MFSD8: variants seen among roughly 807,000 people sequenced by gnomAD.
MFSD8 encodes major facilitator superfamily domain-containing protein 8.
A neutral mutation model predicts 66.4 loss-of-function variants in MFSD8; 55 were observed. The observed-to-expected ratio is 0.83, with a 90% confidence interval of 0.67 to 1.04. The LOEUF is 1.04. Ranked by LOEUF, MFSD8 falls within the 50% of genes least tolerant of loss-of-function variation. The probability of loss-of-function intolerance (pLI) is 0.00; values close to 1 mark genes in which losing one functional copy is unlikely to be tolerated. For missense variants in MFSD8, 550 were observed against 627.6 expected (o/e 0.88, Z 1.32); for synonymous variants, 202 against 212.8 (o/e 0.95, Z 0.44).
At position 127,938,582 on chromosome 4, in the gene MFSD8, CAA is replaced by C. The variant is rs1174151589; in HGVS notation, c.754+199_754+200del. On this transcript the variant is annotated intron_variant, in intron 7 of 11. Transcript: ENST00000641686. ...TGGGCGACAGAGCGAAACTCTGTCT[CAA>C]AAAAAAAAAAATAAATAAATAAATA... Among the ~76,000 whole-genome samples, 368 of 110,526 alleles carry C rather than the reference CAA, an allele frequency of 3.3e-3. 4 individuals carry two copies. Among genetic ancestry groups the C allele is most frequent in the African/African-American group, 0.013 (360 of 28,554 alleles). The allele number at this position is 110,526 out of a possible 152,430, so 72.5% of individuals were successfully genotyped here. A position where few individuals can be genotyped will look rare whatever the true frequency, so the allele number is the denominator to read the frequency against.
chr4:127,941,969 T>C, intron 5 of MFSD8, 76 bp downstream of exon 5: 5 of 1,152,376 alleles, frequency 4.3e-6, no homozygotes, highest in Admixed American at 1.7e-5. Context: ...TTTTTATACT[T>C]GGGTTACACT....
chr4:127,922,554 G>A lies in MFSD8; in HGVS notation c.999-591C>T, dbSNP rs192741176. On this transcript the variant is annotated intron_variant, in intron 9 of 11. Transcript: ENST00000641686. ...GCAGGAGGATTACTTGAGCCCAGGA[G>A]GTCAAGGCTGCAATGAGCTGTGATG... 9.9e-5 allele frequency among the ~76,000 whole-genome samples: 15 copies of A among 151,982 alleles called. No individual in the cohort carries two copies. The East Asian group carries it at 1.5e-3, about 16-fold the overall frequency.
chr4:127,931,235 T>C (rs1298783130), intron 8 of MFSD8, among the ~76,000 whole-genome samples: 1 of 152,214 alleles, frequency 6.6e-6, no homozygotes, highest in Non-Finnish European at 1.5e-5. Flanking sequence ...TGAATATATA[T>C]ATTTTTCTCT....
intron 7 of MFSD8, chr4:127,934,419 A>G (rs1738684374): frequency 6.6e-6 from 1 of 152,170 alleles, no homozygotes; most frequent in Non-Finnish European, 1.5e-5. Flanking sequence ...CAACGCCTTA[A>G]GGTTAATACA....
At chr4:127,923,120 T>C (rs1409287123) in intron 9 of MFSD8, among the ~76,000 whole-genome samples, 1 of 152,202 alleles carries the variant, frequency 6.6e-6, no homozygotes, top group Non-Finnish European at 1.5e-5. Context: ...ACCCTTTATT[T>C]CTTTCTCTTG....
intron 1 of MFSD8, among the ~76,000 whole-genome samples, chr4:127,961,943 C>T (rs924158297): frequency 4.6e-5 from 7 of 152,018 alleles, no homozygotes; most frequent in Non-Finnish European, 7.4e-5. Context: ...TCAGAACTAC[C>T]AGGTTGTAAT....
intron 7 of MFSD8, 97 bp from the exon 8 acceptor site, chr4:127,933,190 A>G: frequency 9.9e-7 from 1 of 1,011,030 alleles, no homozygotes; most frequent in Non-Finnish European, 1.5e-6. Flanking sequence ...AAAATTTATA[A>G]ATAAACATTT....
At chr4:127,949,110 G>A (rs1404698424) in intron 3 of MFSD8, among the ~76,000 whole-genome samples, 1 of 152,200 alleles carries the variant, frequency 6.6e-6, no homozygotes, top group Non-Finnish European at 1.5e-5. Context: ...CAGCAGAAAA[G>A]TTAATCAGAT....
upstream of MFSD8, chr4:127,965,251 C>A: frequency 7.6e-7 from 1 of 1,318,480 alleles, no homozygotes; most frequent in South Asian, 1.2e-5. Context: ...ACCTGACGGT[C>A]AGACGTAGGC....
Position 127,935,895 on chromosome 4 carries a change from A to T in MFSD8, c.755-2802T>A, listed in dbSNP as rs139195384. Among the ~76,000 whole-genome samples, 814 of 152,280 alleles carry T rather than the reference A, an allele frequency of 5.3e-3. 9 individuals carry two copies. The highest frequency in any genetic ancestry group is 0.018 in the African/African-American group (767 of 41,556). On this transcript the variant is annotated intron_variant, in intron 7 of 11. Coordinates refer to ENST00000641686, the MANE Select transcript of MFSD8 (RefSeq NM_001371596.2). The stretch of plus-strand genomic sequence containing the variant: ...CATAGCTCTCAATCTTTGCTGCACA[A>T]AGTGTGATTTGTAGACCAGAAGCAT...
chr4:127,954,255 T>G (rs1016741987), intron 2 of MFSD8, among the ~76,000 whole-genome samples: 1 of 152,146 alleles, frequency 6.6e-6, no homozygotes, highest in Non-Finnish European at 1.5e-5. Flanking sequence ...CAATACAAAT[T>G]GAGATTCTTG....
chr4:127,965,340 C>T, upstream of MFSD8: 1 of 635,836 alleles, frequency 1.6e-6, no homozygotes, highest in Non-Finnish European at 2.8e-6. Flanking sequence ...TCCTCAGCCT[C>T]CTCCCTCGGC....
intron 3 of MFSD8, among the ~76,000 whole-genome samples, chr4:127,944,529 T>C (rs1179775810): frequency 2.6e-5 from 4 of 152,208 alleles, no homozygotes; most frequent in African/African-American, 9.6e-5. Context: ...CCACTCAGTA[T>C]TCTACCACTT....
At chr4:127,947,577 C>T (rs1041416111) in intron 3 of MFSD8, among the ~76,000 whole-genome samples, 1 of 56,804 alleles carries the variant, frequency 1.8e-5, no homozygotes, top group African/African-American at 6.1e-5. Context: ...GACTCCATTG[C>T]AAAAAAAAAA....
chr4:127,964,310 G>C (rs1348257977), intron 1 of MFSD8, among the ~76,000 whole-genome samples: 4 of 152,346 alleles, frequency 2.6e-5, no homozygotes, highest in South Asian at 2.1e-4. Context: ...GGGGAGGCTC[G>C]GGCCGCACAG....
intron 2 of MFSD8, among the ~76,000 whole-genome samples, chr4:127,952,824 C>T (rs1413759110): frequency 1.4e-5 from 2 of 142,512 alleles, no homozygotes; most frequent in African/African-American, 5.3e-5. Flanking sequence ...GAGCTGAGAT[C>T]GTGCTACTGC....
intron 9 of MFSD8, 42 bp downstream of exon 9, chr4:127,930,641 A>AT (rs1737964461): frequency 6.2e-7 from 1 of 1,605,822 alleles, no homozygotes; most frequent in South Asian, 1.1e-5. Flanking sequence ...TTTTTGTTTT[A>AT]TTTTTTAAAA....
At chr4:127,961,174 A>G (rs1743677542) in intron 1 of MFSD8, among the ~76,000 whole-genome samples, 1 of 152,172 alleles carries the variant, frequency 6.6e-6, no homozygotes, top group Non-Finnish European at 1.5e-5. Flanking sequence ...TGTTTGTGCA[A>G]TATATTCAAA....
At chr4:127,921,829 G>T in intron 10 of MFSD8, 31 bp downstream of exon 10, 1 of 1,613,056 alleles carries the variant, frequency 6.2e-7, no homozygotes, top group Middle Eastern at 1.6e-4. Context: ...AATAACAGAG[G>T]TTAACATTAT....
Sources: gnomAD v4.1 joint callset for allele counts (sites outside exome capture counted in the v4.1 genomes callset) on GRCh38, gnomAD v4.1.1 for gene constraint, MANE v1.5 for transcripts, NCBI Gene and HGNC (gene_info 2026-07-23, HGNC 2026-07-21) for gene names.